Variants in STAC observed in about 807,000 individuals in gnomAD.
The protein encoded by STAC is SH3 and cysteine rich domain.
Under a neutral mutation model 48.8 loss-of-function variants are expected in STAC, and 43 were observed. The observed-to-expected ratio is 0.88, with a 90% CI of 0.69 to 1.14. STAC has a LOEUF of 1.14. Among genes scored for constraint, STAC ranks in the 50% most tolerant of loss-of-function variants. The pLI is 0.00. For synonymous variants in STAC, 193 were observed against 179.5 expected, an observed-to-expected ratio of 1.07 and a Z score of -0.60; for missense variants, 497 against 504.0, an observed-to-expected ratio of 0.99 and a Z score of 0.13.
intron 1 of STAC, among the ~76,000 whole-genome samples, chr3:36,401,757 G>A (rs1700002575): frequency 6.6e-6 from 1 of 152,198 alleles, no homozygotes; most frequent in African/African-American, 2.4e-5. Context: ...ATTCAAGACA[G>A]CAATAGCAAA....
At chr3:36,385,450 C>T (rs1699595263) in intron 1 of STAC, among the ~76,000 whole-genome samples, 1 of 152,042 alleles carries the variant, frequency 6.6e-6, no homozygotes, top group Non-Finnish European at 1.5e-5. Context: ...ATTTTATTCT[C>T]ATAACCACAG....
At chr3:36,409,943 GTTT>G (rs1256033562) in intron 1 of STAC, among the ~76,000 whole-genome samples, 1 of 152,120 alleles carries the variant, frequency 6.6e-6, no homozygotes, top group African/African-American at 2.4e-5. Flanking sequence ...CAAGAATGGA[GTTT>G]TTATTTTCTT....
intron 1 of STAC, among the ~76,000 whole-genome samples, chr3:36,412,823 T>C (rs1332148457): frequency 6.6e-6 from 1 of 152,204 alleles, no homozygotes; most frequent in East Asian, 1.9e-4. Context: ...CAGTATGTCT[T>C]AAAATCTGGT....
At chr3:36,420,427 C>T (rs953454258) in intron 1 of STAC, among the ~76,000 whole-genome samples, 5 of 152,158 alleles carry the variant, frequency 3.3e-5, no homozygotes, top group African/African-American at 1.2e-4. Context: ...GGACTAGTAC[C>T]GGTCTGTAGC....
At chr3:36,497,420 T>C (rs193104888) in intron 6 of STAC, among the ~76,000 whole-genome samples, 1 of 152,216 alleles carries the variant, frequency 6.6e-6, no homozygotes, top group African/African-American at 2.4e-5. Context: ...GGCAATTCCT[T>C]AGAGTCTAGG....
intron 1 of STAC, among the ~76,000 whole-genome samples, chr3:36,421,780 T>C (rs1451595504): frequency 6.6e-6 from 1 of 152,124 alleles, no homozygotes; most frequent in African/African-American, 2.4e-5. Flanking sequence ...CAGATTACCT[T>C]TCTGCAGACA....
intron 10 of STAC, among the ~76,000 whole-genome samples, chr3:36,545,104 G>T (rs913901567): frequency 3.0e-4 from 46 of 152,156 alleles, no homozygotes; most frequent in African/African-American, 9.4e-4. Context: ...CAGTTGCTAT[G>T]TTGGCCACGA....
intron 1 of STAC, among the ~76,000 whole-genome samples, chr3:36,405,775 C>T (rs756394832): frequency 1.3e-5 from 2 of 152,118 alleles, no homozygotes; most frequent in South Asian, 2.1e-4. Context: ...GGTTGGAGTG[C>T]AGTAACATGA....
In STAC at chr3:36,505,677, T is replaced by C. The variant is rs560323823; in HGVS notation, c.832-69T>C. On this transcript the variant is annotated intron_variant, in intron 7 of 10. Coordinates refer to ENST00000273183, the MANE Select transcript of STAC (RefSeq NM_003149.3). ...ATTGCAATGACTTCTCCATTTCCTG[T>C]TTTCTTTCTTTCCTCTCTCAATTTA... 376 of 1,073,176 alleles carry C rather than the reference T, an allele frequency of 3.5e-4. 2 individuals are homozygous for C. In the African/African-American group the frequency reaches 5.5e-3, roughly 16 times the overall value. The allele number at this position is 1,073,176 out of a possible 1,614,324, so 66.5% of individuals were successfully genotyped here. A position where few individuals can be genotyped will look rare whatever the true frequency, so the allele number is the denominator to read the frequency against.
At chr3:36,465,653 C>T (rs1697148180) in intron 2 of STAC, among the ~76,000 whole-genome samples, 1 of 152,106 alleles carries the variant, frequency 6.6e-6, no homozygotes, top group African/African-American at 2.4e-5. Context: ...TATTAACTTA[C>T]ATGATCACAA....
chr3:36,444,806 T>C (rs1389344600), intron 2 of STAC, among the ~76,000 whole-genome samples: 1 of 152,202 alleles, frequency 6.6e-6, no homozygotes, highest in Non-Finnish European at 1.5e-5. Flanking sequence ...TAGAGTCTGC[T>C]AAGTCTTGGC....
At chr3:36,400,415 C>T (rs1699977834) in intron 1 of STAC, among the ~76,000 whole-genome samples, 1 of 152,064 alleles carries the variant, frequency 6.6e-6, no homozygotes, top group African/African-American at 2.4e-5. Flanking sequence ...ACAGATAACC[C>T]CATGATTTTA....
intron 2 of STAC, among the ~76,000 whole-genome samples, chr3:36,477,646 C>T (rs1039173116): frequency 1.3e-4 from 20 of 152,166 alleles, no homozygotes; most frequent in Non-Finnish European, 2.1e-4. Context: ...AATGATACCA[C>T]GCTCATAAAA....
At chr3:36,413,853 C>T (rs1018896818) in intron 1 of STAC, among the ~76,000 whole-genome samples, 9 of 152,024 alleles carry the variant, frequency 5.9e-5, no homozygotes, top group Non-Finnish European at 1.0e-4. Flanking sequence ...TTCAGGAGCT[C>T]TTTTAGGGCA....
chr3:36,542,604 A>C (rs972339688), intron 10 of STAC, among the ~76,000 whole-genome samples: 4 of 152,206 alleles, frequency 2.6e-5, no homozygotes, highest in African/African-American at 7.2e-5. Context: ...TTCTTCAAGA[A>C]GGTGTTTCTT....
At chr3:36,426,620 G>T (rs1041666627) in intron 1 of STAC, among the ~76,000 whole-genome samples, 1 of 152,126 alleles carries the variant, frequency 6.6e-6, no homozygotes, top group African/African-American at 2.4e-5. Context: ...ATACAGAAAA[G>T]CAGAACCAGA....
rs368116861 is a variant in STAC, at chr3:36,454,153, T to C, written c.388+10513T>C. ...CAGCAGTAGCAACCCGCTCGGATCCTCTTCCACGCTGTGGAAGCTTTGTTC... is the reference window on the plus strand; with the variant it reads ...CAGCAGTAGCAACCCGCTCGGATCCCCTTCCACGCTGTGGAAGCTTTGTTC... On this transcript the variant is annotated intron_variant, in intron 2 of 10. Transcript: ENST00000273183. 1.7e-3 allele frequency among the ~76,000 whole-genome samples: 262 copies of C among 152,280 alleles called. 3 individuals are homozygous for C. Among genetic ancestry groups the C allele is most frequent in the African/African-American group, 5.8e-3 (240 of 41,550 alleles).
At chr3:36,451,686 G>T (rs1696687785) in intron 2 of STAC, among the ~76,000 whole-genome samples, 1 of 152,062 alleles carries the variant, frequency 6.6e-6, no homozygotes, top group Non-Finnish European at 1.5e-5. Context: ...CATGCATACA[G>T]TGTTTAATGA....
At chr3:36,398,587 A>G (rs13317969) in intron 1 of STAC, among the ~76,000 whole-genome samples, 2 of 85,212 alleles carry the variant, frequency 2.3e-5, no homozygotes, top group African/African-American at 1.1e-4. Context: ...GAAGGAAGGA[A>G]GGAAGGAAGG....
Sources: gnomAD v4.1 joint callset for allele counts (sites outside exome capture counted in the v4.1 genomes callset) on GRCh38, gnomAD v4.1.1 for gene constraint, MANE v1.5 for transcripts, NCBI Gene and HGNC (gene_info 2026-07-23, HGNC 2026-07-21) for gene names.